The following CNTN1 variants were observed in gnomAD, a reference collection of about 807,000 sequenced individuals.
The protein encoded by CNTN1 is contactin 1, also known as contactin-1.
In CNTN1, 38 loss-of-function variants were observed where a neutral mutation model predicts 126.4. The ratio of observed to expected loss-of-function variants is 0.30; its 90% confidence interval spans 0.23 to 0.39. CNTN1 has a LOEUF of 0.39. Ranked by LOEUF, CNTN1 falls within the 10% of genes least tolerant of loss-of-function variation. CNTN1 has a pLI of 1.00. For missense variants in CNTN1, 1,009 were observed against 1,248.4 expected (o/e 0.81, Z 2.89); for synonymous variants, 413 against 422.6 (o/e 0.98, Z 0.28).
At chr12:40,925,833 T>A (rs1487661600) in intron 6 of CNTN1, among the ~76,000 whole-genome samples, 3 of 71,806 alleles carry the variant, frequency 4.2e-5, no homozygotes, top group African/African-American at 2.6e-4. Context: ...TATATATGTA[T>A]GTGTGTGTGT....
chr12:40,989,416 A>G (rs1948047308), intron 16 of CNTN1, among the ~76,000 whole-genome samples: 1 of 152,210 alleles, frequency 6.6e-6, no homozygotes. Flanking sequence ...AGGGAAAGGA[A>G]GAGGCCTTAA....
At chr12:40,737,343 GTA>G (rs1288383016) in intron 1 of CNTN1, among the ~76,000 whole-genome samples, 8 of 109,796 alleles carry the variant, frequency 7.3e-5, no homozygotes, top group Admixed American at 1.1e-4. Flanking sequence ...GTGTGTGTGT[GTA>G]TATATGTGTG....
At chr12:40,710,845 G>A (rs1941894850) in intron 1 of CNTN1, among the ~76,000 whole-genome samples, 1 of 152,096 alleles carries the variant, frequency 6.6e-6, no homozygotes, top group South Asian at 2.1e-4. Flanking sequence ...TACAGGTAGA[G>A]ACAATCTTGC....
intron 1 of CNTN1, among the ~76,000 whole-genome samples, chr12:40,786,697 AAAG>A (rs1940035287): frequency 6.6e-6 from 1 of 152,158 alleles, no homozygotes; most frequent in Non-Finnish European, 1.5e-5. Context: ...CGTCAACAAT[AAAG>A]AAGAACTGGA....
intron 23 of CNTN1, among the ~76,000 whole-genome samples, chr12:41,034,714 A>T (rs1949218465): frequency 6.6e-6 from 1 of 152,226 alleles, no homozygotes; most frequent in Non-Finnish European, 1.5e-5. Context: ...CATTTAAATT[A>T]CCTCTAAAAT....
chr12:40,890,437 T>C (rs1435548123), intron 1 of CNTN1, among the ~76,000 whole-genome samples: 1 of 152,180 alleles, frequency 6.6e-6, no homozygotes, highest in Non-Finnish European at 1.5e-5. Flanking sequence ...GATAGTATCA[T>C]ACAGAATAGT....
At chr12:41,018,071 C>T (rs537633780) in intron 19 of CNTN1, among the ~76,000 whole-genome samples, 8 of 146,022 alleles carry the variant, frequency 5.5e-5, no homozygotes, top group African/African-American at 1.5e-4. Flanking sequence ...GCCTGGGCAA[C>T]AAAAGCGAAA....
chr12:40,971,730 GAACT>G (rs1440800389), intron 15 of CNTN1: 4 of 1,321,454 alleles, frequency 3.0e-6, no homozygotes, highest in Admixed American at 3.7e-5. Flanking sequence ...AATGCCTAGT[GAACT>G]AACTCAGTAC....
At position 41,070,353 on chromosome 12, in the gene CNTN1, T is replaced by C. The variant is rs1781734064; in HGVS notation, c.*318T>C. On this transcript the variant is annotated 3_prime_UTR_variant, in exon 24 of 24. Transcript: ENST00000551295. ...AGTTACAGTGTTCAATTCAATACTATAGGCTGTAGAGTGAAAGTCAAATCA... is the reference window on the plus strand; with the variant it reads ...AGTTACAGTGTTCAATTCAATACTACAGGCTGTAGAGTGAAAGTCAAATCA... The C allele has an allele frequency of 1.0e-5, 4 of 399,170 alleles. No individual in the cohort carries two copies. The highest frequency in any genetic ancestry group is 1.9e-5 in the Non-Finnish European group (4 of 211,810). 24.7% of individuals were successfully genotyped at this position (399,170 alleles called of 1,614,324 possible). A position where few individuals can be genotyped will look rare whatever the true frequency, so the allele number is the denominator to read the frequency against.
intron 19 of CNTN1, among the ~76,000 whole-genome samples, chr12:41,019,932 T>C (rs1349241966): frequency 1.3e-5 from 2 of 152,174 alleles, no homozygotes; most frequent in Non-Finnish European, 2.9e-5. Context: ...GACAGCTAAA[T>C]ATTAATAATT....
At chr12:40,874,005 A>G (rs1324852443) in intron 1 of CNTN1, among the ~76,000 whole-genome samples, 1 of 152,112 alleles carries the variant, frequency 6.6e-6, no homozygotes, top group East Asian at 1.9e-4. Flanking sequence ...TTGATTTGAA[A>G]ATCTTGTATT....
intron 1 of CNTN1, among the ~76,000 whole-genome samples, chr12:40,718,656 A>G (rs886522544): frequency 6.6e-6 from 1 of 152,180 alleles, no homozygotes; most frequent in Non-Finnish European, 1.5e-5. Context: ...GCAGCAGTAC[A>G]ACTAAATAGA....
chr12:40,875,740 AGTTG>A (rs1484819676), intron 1 of CNTN1, among the ~76,000 whole-genome samples: 2 of 152,074 alleles, frequency 1.3e-5, no homozygotes, highest in African/African-American at 4.8e-5. Context: ...TAAGTACCAC[AGTTG>A]GTTTAAACAT....
At chr12:40,830,984 A>T (rs1324613916) in intron 1 of CNTN1, among the ~76,000 whole-genome samples, 1 of 140,578 alleles carries the variant, frequency 7.1e-6, no homozygotes, top group East Asian at 2.0e-4. Context: ...CACACACTAT[A>T]TATGAAACAT....
intron 1 of CNTN1, among the ~76,000 whole-genome samples, chr12:40,781,538 G>A (rs1037556356): frequency 2.6e-5 from 4 of 151,850 alleles, no homozygotes; most frequent in African/African-American, 9.7e-5. Context: ...ACTTAAATGT[G>A]GTACAAATTT....
chr12:41,043,604 G>T (rs12811839), intron 23 of CNTN1, among the ~76,000 whole-genome samples: 12,069 of 151,922 alleles, frequency 0.079, 692 homozygotes, highest in African/African-American at 0.15. Context: ...TTCCTCAGGG[G>T]TCTAGAACTA....
At chr12:41,040,634 C>T (rs1224052022) in intron 23 of CNTN1, among the ~76,000 whole-genome samples, 1 of 152,070 alleles carries the variant, frequency 6.6e-6, no homozygotes, top group Non-Finnish European at 1.5e-5. Context: ...CTTCACGTCC[C>T]TTGTAAGTTG....
chr12:40,931,333 C>A (rs1945876372), intron 7 of CNTN1, among the ~76,000 whole-genome samples: 1 of 151,930 alleles, frequency 6.6e-6, no homozygotes, highest in African/African-American at 2.4e-5. Flanking sequence ...TCTTCATCTC[C>A]CTTCTGCCTC....
chr12:40,694,066 A>G lies in CNTN1; in HGVS notation c.-77+1474A>G, dbSNP rs559457546. Among the ~76,000 whole-genome samples, 6 of 152,294 alleles carry G rather than the reference A, an allele frequency of 3.9e-5. No individual in the cohort carries two copies. The South Asian group carries it at 1.0e-3, about 26-fold the overall frequency. On this transcript the variant is annotated intron_variant, in intron 1 of 23. Coordinates refer to ENST00000551295, the MANE Select transcript of CNTN1 (RefSeq NM_001843.4). ...AGTGTAACGCAAATCAAATTAATAC[A>G]TGCCGTATCTGGGATATTTTATTAG...
Sources: gnomAD v4.1 joint callset for allele counts (sites outside exome capture counted in the v4.1 genomes callset) on GRCh38, gnomAD v4.1.1 for gene constraint, MANE v1.5 for transcripts, NCBI Gene and HGNC (gene_info 2026-07-23, HGNC 2026-07-21) for gene names.